Variants in MANBA observed in about 807,000 individuals in gnomAD.
MANBA encodes beta-mannosidase.
In MANBA, 83 loss-of-function variants were observed where a neutral mutation model predicts 111.1. That is an observed-to-expected ratio of 0.75 (90% CI 0.63 to 0.90). The LOEUF (loss-of-function observed/expected upper bound fraction) is 0.90. Ranked by LOEUF, MANBA falls within the 40% of genes least tolerant of loss-of-function variation. MANBA has a pLI of 0.00. For missense variants in MANBA, 1,036 were observed against 1,069.0 expected, an observed-to-expected ratio of 0.97 and a Z score of 0.43; for synonymous variants, 370 against 378.7, an observed-to-expected ratio of 0.98 and a Z score of 0.27.
At chr4:102,706,015 T>C (rs926619361) in intron 5 of MANBA, among the ~76,000 whole-genome samples, 4 of 152,268 alleles carry the variant, frequency 2.6e-5, no homozygotes, top group Non-Finnish European at 5.9e-5. Flanking sequence ...CAGAGGATTG[T>C]CCTGCCACTG....
At chr4:102,641,360 C>G (rs908713308) in intron 13 of MANBA, among the ~76,000 whole-genome samples, 4 of 152,160 alleles carry the variant, frequency 2.6e-5, no homozygotes, top group African/African-American at 9.7e-5. Flanking sequence ...GGTGTGCATC[C>G]TAAAGGCAAA....
chr4:102,695,144 T>G (rs902867145), intron 5 of MANBA, among the ~76,000 whole-genome samples: 2 of 152,140 alleles, frequency 1.3e-5, no homozygotes, highest in African/African-American at 4.8e-5. Context: ...ACAAGACAAC[T>G]CTAGCTCATG....
chr4:102,644,327 T>G (rs541607703), intron 13 of MANBA, among the ~76,000 whole-genome samples: 12 of 152,236 alleles, frequency 7.9e-5, no homozygotes, highest in African/African-American at 2.9e-4. Flanking sequence ...TGAAGAGATA[T>G]CCACACTCCC....
rs370871465 is a variant in MANBA, at chr4:102,635,094, T to C, written c.2158-49A>G. On this transcript the variant is annotated intron_variant, in intron 15 of 16. Transcript: ENST00000647097. The stretch of plus-strand genomic sequence containing the variant: ...AAAACAGGCATTCTTGGTTGCTATG[T>C]TTTTAAGGAACAATAGTAGTAATAA... 8.9e-5 allele frequency: 143 copies of C among 1,598,440 alleles called. No homozygotes were observed. The African/African-American group carries it at 1.7e-3, about 19-fold the overall frequency.
intron 8 of MANBA, 69 bp downstream of exon 8, chr4:102,673,850 T>C (rs902353786): frequency 1.6e-5 from 23 of 1,437,032 alleles, no homozygotes; most frequent in East Asian, 2.3e-5. Context: ...AAAGTAAAAA[T>C]GAGTAAACCT....
chr4:102,698,147 A>G (rs1010459734), intron 5 of MANBA, among the ~76,000 whole-genome samples: 1 of 152,152 alleles, frequency 6.6e-6, no homozygotes, highest in Non-Finnish European at 1.5e-5. Flanking sequence ...GGCTGCATAA[A>G]TGACTTCTTT....
chr4:102,664,721 T>C lies in MANBA; in HGVS notation c.1449A>G (p.Thr483=), dbSNP rs1731139280. 1.2e-6 allele frequency: 2 copies of C among 1,613,380 alleles called. No individual in the cohort carries two copies. Among genetic ancestry groups the C allele is most frequent in the Non-Finnish European group, 1.7e-6 (2 of 1,179,278 alleles). Residue 483 remains threonine, a synonymous_variant, in exon 11 of 17, where the codon ACA becomes ACG. Coordinates refer to ENST00000647097, the MANE Select transcript of MANBA (RefSeq NM_005908.4). ...GCTCTCTGATGTTTTTCACATAGAG[T>C]GTCACATAGTCCTTGATGTAGATTG... is the stretch of plus-strand genomic sequence containing the variant. ...DRPIYIKDYV[T]LYVKNIRELV...
intron 4 of MANBA, among the ~76,000 whole-genome samples, chr4:102,720,449 A>T (rs898520991): frequency 4.6e-5 from 7 of 151,146 alleles, no homozygotes; most frequent in African/African-American, 1.5e-4. Flanking sequence ...AAAAAAAAAT[A>T]CAAAAATTAG....
rs773898873 is a variant in MANBA, at chr4:102,722,956, C to G, written c.464G>C (p.Ser155Thr). 1.5e-5 allele frequency: 25 copies of G among 1,613,978 alleles called. No homozygotes were observed. The highest frequency in any genetic ancestry group is 2.1e-5 in the Non-Finnish European group (25 of 1,179,958). The change falls in exon 4 of 17, where the codon AGC (serine) becomes ACC (threonine). Residue 155 changes from serine to threonine, a missense_variant. By Grantham distance (58) the Ser-to-Thr change is moderately conservative (BLOSUM62 1). Coordinates refer to ENST00000647097, the MANE Select transcript of MANBA (RefSeq NM_005908.4). ...AACCTGGTAGCGAGTGTGAGCTTTG[C>G]TCTGCTGTGCTGCATACAACACCGC... ...QSAVLYAAQQ[S>T]KAHTRYQVPP...
intron 5 of MANBA, among the ~76,000 whole-genome samples, chr4:102,712,890 T>G (rs546259668): frequency 2.6e-3 from 403 of 152,236 alleles, no homozygotes; most frequent in African/African-American, 7.7e-3. Flanking sequence ...GGTGGTAGCA[T>G]GGGATGAAGG....
intron 9 of MANBA, 24 bp downstream of exon 9, chr4:102,671,257 T>C (rs749586826): frequency 3.2e-5 from 43 of 1,361,148 alleles, no homozygotes; most frequent in East Asian, 2.3e-5. Context: ...CTTATCAATA[T>C]ATAAAATGCT....
At chr4:102,724,849 A>C (rs1722733309) in intron 2 of MANBA, among the ~76,000 whole-genome samples, 1 of 152,240 alleles carries the variant, frequency 6.6e-6, no homozygotes, top group Admixed American at 6.5e-5. Flanking sequence ...AGAGAAGAAT[A>C]AATAAAATGT....
Position 102,631,340 on chromosome 4 carries a change from C to T in MANBA, c.*717G>A, listed in dbSNP as rs1242297731. ...ATTACATGACTGTTTCCAGAGAAAACCTTTCACATGTCTTAGTTTAGATTC... is the reference window on the plus strand; with the variant it reads ...ATTACATGACTGTTTCCAGAGAAAATCTTTCACATGTCTTAGTTTAGATTC... On this transcript the variant is annotated 3_prime_UTR_variant, in exon 17 of 17. Coordinates refer to ENST00000647097, the MANE Select transcript of MANBA (RefSeq NM_005908.4). The T allele has an allele frequency of 6.3e-6, 1 of 159,524 alleles. No individual in the cohort carries two copies. Among genetic ancestry groups the T allele is most frequent in the African/African-American group, 2.4e-5 (1 of 41,634 alleles). The allele number at this position is 159,524 out of a possible 1,614,324, so 9.9% of individuals were successfully genotyped here. A position where few individuals can be genotyped will look rare whatever the true frequency, so the allele number is the denominator to read the frequency against.
chr4:102,739,135 C>A (rs1723316032), intron 1 of MANBA, among the ~76,000 whole-genome samples: 1 of 151,806 alleles, frequency 6.6e-6, no homozygotes, highest in East Asian at 1.9e-4. Context: ...CAATTGATAC[C>A]ACAGAAATAC....
Position 102,734,378 on chromosome 4 carries a change from C to T in MANBA, c.178-7695G>A, listed in dbSNP as rs990552871. On this transcript the variant is annotated intron_variant, in intron 1 of 16. Transcript: ENST00000647097. ...GGGCCATGGCCTCTGACCTAGACTTCTCACCTCTGGAGGTGCCTGAGCCCA... is the reference window on the plus strand; with the variant it reads ...GGGCCATGGCCTCTGACCTAGACTTTTCACCTCTGGAGGTGCCTGAGCCCA... The T allele has an allele frequency of 6.2e-6, 10 of 1,610,092 alleles. No homozygotes were observed. The African/African-American group carries it at 1.2e-4, about 19-fold the overall frequency.
chr4:102,633,140 A>T, intron 16 of MANBA: 2 of 396,574 alleles, frequency 5.0e-6, no homozygotes, highest in Non-Finnish European at 8.9e-6. Flanking sequence ...GTTATACACA[A>T]GGAAACCTAT....
intron 12 of MANBA, among the ~76,000 whole-genome samples, chr4:102,651,713 C>T (rs1303573208): frequency 6.6e-6 from 1 of 152,182 alleles, no homozygotes; most frequent in Non-Finnish European, 1.5e-5. Flanking sequence ...AAAAGGTTAT[C>T]CTTCAGGAAC....
chr4:102,668,260 A>G (rs1165033964), intron 10 of MANBA: 1 of 152,692 alleles, frequency 6.5e-6, no homozygotes, highest in Non-Finnish European at 1.5e-5. Flanking sequence ...TTATCAGTTG[A>G]TAATATTATA....
intron 1 of MANBA, chr4:102,727,893 G>A: frequency 3.8e-6 from 2 of 528,746 alleles, no homozygotes; most frequent in South Asian, 1.8e-5. Context: ...GCATTTATGA[G>A]GCTTTTCACT....
Sources: gnomAD v4.1 joint callset for allele counts (sites outside exome capture counted in the v4.1 genomes callset) on GRCh38, gnomAD v4.1.1 for gene constraint, MANE v1.5 for transcripts, NCBI Gene and HGNC (gene_info 2026-07-23, HGNC 2026-07-21) for gene names.